The following ITGA9 variants were observed in gnomAD, a reference collection of about 807,000 sequenced individuals.
ITGA9 encodes integrin alpha-9.
A neutral mutation model predicts 127.8 loss-of-function variants in ITGA9; 56 were observed. That is an observed-to-expected ratio of 0.44 (90% CI 0.35 to 0.55). ITGA9 has a LOEUF of 0.55. Among genes scored for constraint, ITGA9 ranks in the 20% least tolerant of loss-of-function variants. The pLI is 0.00. For missense variants in ITGA9, 1,196 were observed against 1,347.1 expected (o/e 0.89, Z 1.76); for synonymous variants, 508 against 514.5 (o/e 0.99, Z 0.17).
chr3:37,453,441 C>T (rs1350316176), intron 1 of ITGA9, among the ~76,000 whole-genome samples: 1 of 152,148 alleles, frequency 6.6e-6, no homozygotes, highest in African/African-American at 2.4e-5. Flanking sequence ...TGTGCCCAAC[C>T]CCAGCAGAGA....
intron 16 of ITGA9, among the ~76,000 whole-genome samples, chr3:37,634,498 C>T (rs914779320): frequency 6.6e-6 from 1 of 152,008 alleles, no homozygotes; most frequent in Non-Finnish European, 1.5e-5. Flanking sequence ...ACTGTAAAAA[C>T]AGACGAAGAT....
At chr3:37,720,043 C>T (rs1284716761) in intron 18 of ITGA9, among the ~76,000 whole-genome samples, 1 of 152,172 alleles carries the variant, frequency 6.6e-6, no homozygotes, top group Non-Finnish European at 1.5e-5. Context: ...CAGTGCTTCT[C>T]AAATGTCCAT....
intron 11 of ITGA9, among the ~76,000 whole-genome samples, chr3:37,521,193 G>A (rs1699040866): frequency 6.6e-6 from 1 of 152,152 alleles, no homozygotes; most frequent in Admixed American, 6.5e-5. Flanking sequence ...TAAGGGCAGA[G>A]ATTTAAAAGA....
chr3:37,754,492 A>G (rs2844379), intron 23 of ITGA9, among the ~76,000 whole-genome samples: 59,885 of 152,108 alleles, frequency 0.39, 14,156 homozygotes, highest in South Asian at 0.62. Flanking sequence ...AATAAATATC[A>G]TACCATTCAT....
intron 1 of ITGA9, among the ~76,000 whole-genome samples, chr3:37,464,112 TGTGA>T (rs1176454247): frequency 4.4e-5 from 5 of 112,800 alleles, no homozygotes; most frequent in African/African-American, 2.0e-4. Context: ...TCACAGAAGG[TGTGA>T]GTGTGTGTGT....
chr3:37,491,456 G>T (rs1698672491), intron 4 of ITGA9, among the ~76,000 whole-genome samples: 1 of 152,260 alleles, frequency 6.6e-6, no homozygotes. Flanking sequence ...AGACCAAGTA[G>T]ACATGCCCAG....
At chr3:37,588,029 A>T (rs1034106470) in intron 15 of ITGA9, among the ~76,000 whole-genome samples, 2 of 152,180 alleles carry the variant, frequency 1.3e-5, no homozygotes, top group Non-Finnish European at 2.9e-5. Context: ...AGGGAGAGGG[A>T]TCAGCTCTTG....
chr3:37,666,723 C>G (rs139431286), intron 17 of ITGA9, among the ~76,000 whole-genome samples: 1 of 152,124 alleles, frequency 6.6e-6, no homozygotes, highest in Non-Finnish European at 1.5e-5. Context: ...GTCACAGGGT[C>G]GCATGGAAAT....
At chr3:37,605,906 C>A (rs1699964965) in intron 15 of ITGA9, among the ~76,000 whole-genome samples, 1 of 151,994 alleles carries the variant, frequency 6.6e-6, no homozygotes, top group African/African-American at 2.4e-5. Context: ...AGCTTCATGT[C>A]TCTGTTCTCC....
intron 25 of ITGA9, among the ~76,000 whole-genome samples, chr3:37,780,344 T>C (rs1007535074): frequency 2.6e-5 from 4 of 152,306 alleles, no homozygotes; most frequent in Middle Eastern, 3.4e-3. Flanking sequence ...CAATGTCTGT[T>C]AATTCCACTC....
intron 11 of ITGA9, among the ~76,000 whole-genome samples, chr3:37,519,940 T>C (rs1409297503): frequency 6.6e-6 from 1 of 152,172 alleles, no homozygotes; most frequent in African/African-American, 2.4e-5. Context: ...AGCAGAAGCA[T>C]TGTCAGGATA....
chr3:37,767,148 C>G (rs1311497631), intron 23 of ITGA9, among the ~76,000 whole-genome samples: 1 of 152,186 alleles, frequency 6.6e-6, no homozygotes, highest in Non-Finnish European at 1.5e-5. Flanking sequence ...AACCCTAAAG[C>G]TGATGGAAAT....
At chr3:37,807,362 G>C (rs1697311521) in intron 27 of ITGA9, 1 of 152,438 alleles carries the variant, frequency 6.6e-6, no homozygotes, top group South Asian at 2.1e-4. Flanking sequence ...AGTGTGGTTT[G>C]AGTTTTCCAG....
At chr3:37,470,685 T>A in intron 1 of ITGA9, among the ~76,000 whole-genome samples, 1 of 152,200 alleles carries the variant, frequency 6.6e-6, no homozygotes, top group Non-Finnish European at 1.5e-5. Flanking sequence ...CATTTTTTTT[T>A]GTGAAGATGG....
At chr3:37,790,449 A>C in intron 26 of ITGA9, 1 of 401,148 alleles carries the variant, frequency 2.5e-6, no homozygotes, top group South Asian at 2.0e-5. Context: ...CCCCCATCTC[A>C]TAACATGATG....
chr3:37,604,806 A>G (rs1699953348), intron 15 of ITGA9, among the ~76,000 whole-genome samples: 1 of 152,192 alleles, frequency 6.6e-6, no homozygotes, highest in African/African-American at 2.4e-5. Flanking sequence ...GAGGGAAATC[A>G]TGCAGAGGTT....
At chr3:37,494,421 G>T (rs1698705472) in intron 4 of ITGA9, 80 bp from the exon 5 acceptor site, 1 of 1,018,270 alleles carries the variant, frequency 9.8e-7, no homozygotes. Context: ...GAAGTGGCTG[G>T]CTGGCTCTGC....
chr3:37,719,375 C>T (rs1451099846), intron 18 of ITGA9, among the ~76,000 whole-genome samples: 1 of 152,150 alleles, frequency 6.6e-6, no homozygotes, highest in Admixed American at 6.5e-5. Flanking sequence ...TGGAGATACA[C>T]TCTGAAGGTG....
chr3:37,655,974 T>C (rs1700473711), intron 17 of ITGA9, among the ~76,000 whole-genome samples: 1 of 152,222 alleles, frequency 6.6e-6, no homozygotes, highest in Non-Finnish European at 1.5e-5. Flanking sequence ...TGCTTGTTTT[T>C]GTCAGGTTTG....
Sources: gnomAD v4.1 joint callset for allele counts (sites outside exome capture counted in the v4.1 genomes callset) on GRCh38, gnomAD v4.1.1 for gene constraint, MANE v1.5 for transcripts, NCBI Gene and HGNC (gene_info 2026-07-23, HGNC 2026-07-21) for gene names.